Variants in SOBP observed in about 807,000 individuals in gnomAD.
SOBP encodes sine oculis-binding protein homolog.
A neutral mutation model predicts 53.6 loss-of-function variants in SOBP; 4 were observed. That is an observed-to-expected ratio of 0.07 (90% CI 0.04 to 0.17). The LOEUF (loss-of-function observed/expected upper bound fraction) is 0.17. Among genes scored for constraint, SOBP ranks in the 10% least tolerant of loss-of-function variants. SOBP has a pLI of 1.00. For synonymous variants in SOBP, 584 were observed against 522.6 expected (o/e 1.12, Z -1.60); for missense variants, 1,088 against 1,204.7 (o/e 0.90, Z 1.43).
chr6:107,605,947 C>T (rs1002707390), intron 5 of SOBP, among the ~76,000 whole-genome samples: 5 of 152,034 alleles, frequency 3.3e-5, no homozygotes, highest in African/African-American at 1.2e-4. Flanking sequence ...TTTTTAGCCT[C>T]TAAATTTAGG....
At chr6:107,589,532 A>G (rs146785520) in intron 5 of SOBP, among the ~76,000 whole-genome samples, 104 of 152,340 alleles carry the variant, frequency 6.8e-4, no homozygotes, top group Middle Eastern at 6.8e-3. Context: ...CAAAGAAAGC[A>G]TTGGCTGATA....
intron 4 of SOBP, among the ~76,000 whole-genome samples, chr6:107,571,017 C>T (rs1322111036): frequency 6.6e-6 from 1 of 152,248 alleles, no homozygotes; most frequent in East Asian, 1.9e-4. Context: ...CCACTTGCAT[C>T]TACCACACCT....
chr6:107,514,512 G>A (rs1436227065), intron 3 of SOBP: 2 of 152,150 alleles, frequency 1.3e-5, no homozygotes, highest in African/African-American at 4.8e-5. Context: ...ACAATTAAGG[G>A]TTCTTAAAAA....
chr6:107,612,484 A>G (rs1353739734), intron 5 of SOBP, among the ~76,000 whole-genome samples: 1 of 152,214 alleles, frequency 6.6e-6, no homozygotes, highest in Non-Finnish European at 1.5e-5. Context: ...TTCCAGCAGC[A>G]TCAGGTCACC....
intron 3 of SOBP, among the ~76,000 whole-genome samples, chr6:107,530,036 T>C (rs1249180889): frequency 6.6e-6 from 1 of 152,198 alleles, no homozygotes; most frequent in Admixed American, 6.5e-5. Context: ...CATTTTACAT[T>C]TGTTGTATTG....
chr6:107,505,063 C>T (rs764073141), intron 2 of SOBP, among the ~76,000 whole-genome samples: 20 of 152,120 alleles, frequency 1.3e-4, no homozygotes, highest in Admixed American at 5.9e-4. Flanking sequence ...AAGCTCATAT[C>T]GTTGTAAGTT....
intron 6 of SOBP, among the ~76,000 whole-genome samples, chr6:107,639,012 C>T (rs973571536): frequency 6.6e-6 from 1 of 152,122 alleles, no homozygotes; most frequent in Non-Finnish European, 1.5e-5. Flanking sequence ...AAGCAATTCT[C>T]CTGCCTCAGC....
At chr6:107,505,122 T>C (rs1392713109) in intron 2 of SOBP, among the ~76,000 whole-genome samples, 2 of 152,210 alleles carry the variant, frequency 1.3e-5, no homozygotes, top group Non-Finnish European at 2.9e-5. Flanking sequence ...ATCGATACCT[T>C]GTGAAGCATC....
chr6:107,644,659 G>T (rs1210617052), intron 6 of SOBP, among the ~76,000 whole-genome samples: 2 of 152,206 alleles, frequency 1.3e-5, no homozygotes, highest in Non-Finnish European at 2.9e-5. Flanking sequence ...TAAGAATGGG[G>T]AAAAGAAGGC....
chr6:107,523,197 G>A (rs1307400519), intron 3 of SOBP, among the ~76,000 whole-genome samples: 6 of 152,210 alleles, frequency 3.9e-5, no homozygotes. Flanking sequence ...AGAGTGCTCT[G>A]AAGGATTTCT....
At chr6:107,536,789 G>T (rs1288294853) in intron 4 of SOBP, among the ~76,000 whole-genome samples, 1 of 152,164 alleles carries the variant, frequency 6.6e-6, no homozygotes, top group African/African-American at 2.4e-5. Flanking sequence ...TTCACTTAAG[G>T]ACTCTAACTA....
intron 3 of SOBP, among the ~76,000 whole-genome samples, chr6:107,509,135 C>T (rs1258957429): frequency 6.6e-6 from 1 of 152,214 alleles, no homozygotes; most frequent in Non-Finnish European, 1.5e-5. Context: ...TGGCTCATGC[C>T]TGTAATCCCA....
At chr6:107,603,581 GA>G (rs1460727551) in intron 5 of SOBP, among the ~76,000 whole-genome samples, 26 of 152,184 alleles carry the variant, frequency 1.7e-4, no homozygotes, top group Admixed American at 1.6e-3. Flanking sequence ...AAACACAGTG[GA>G]AAACTGTCTC....
chr6:107,540,487 G>C (rs139020430), intron 4 of SOBP, among the ~76,000 whole-genome samples: 1 of 152,234 alleles, frequency 6.6e-6, no homozygotes, highest in African/African-American at 2.4e-5. Flanking sequence ...CTCTTAGGGT[G>C]GCTGTGCACA....
At chr6:107,506,102 A>C in intron 2 of SOBP, 140 bp from the exon 3 acceptor site, 1 of 719,290 alleles carries the variant, frequency 1.4e-6, no homozygotes, top group South Asian at 1.7e-5. Context: ...TGAACTGTGG[A>C]GTTCTAGTAC....
At chr6:107,582,513 C>T (rs1008170669) in intron 4 of SOBP, among the ~76,000 whole-genome samples, 2 of 151,312 alleles carry the variant, frequency 1.3e-5, no homozygotes, top group Non-Finnish European at 2.9e-5. Context: ...CAGGGAAATC[C>T]GCTTGCAGTT....
At chr6:107,507,758 T>C (rs1448189130) in intron 3 of SOBP, among the ~76,000 whole-genome samples, 1 of 152,330 alleles carries the variant, frequency 6.6e-6, no homozygotes, top group East Asian at 1.9e-4. Flanking sequence ...CAGAGTGTTT[T>C]CTAATTCCTG....
intron 3 of SOBP, among the ~76,000 whole-genome samples, chr6:107,532,786 A>T (rs931422999): frequency 6.6e-6 from 1 of 152,116 alleles, no homozygotes; most frequent in Non-Finnish European, 1.5e-5. Context: ...GAGAATTTCA[A>T]TCAGGCCTGC....
At chr6:107,503,845 T>G in intron 2 of SOBP, 50 bp downstream of exon 2, 1 of 1,607,688 alleles carries the variant, frequency 6.2e-7, no homozygotes, top group Non-Finnish European at 8.5e-7. Flanking sequence ...ATTAACTATC[T>G]CAACCTGCCA....
Sources: allele counts gnomAD v4.1 joint callset (sites outside exome capture counted in the v4.1 genomes callset), GRCh38; gene constraint gnomAD v4.1.1; transcripts MANE v1.5; gene names NCBI Gene and HGNC (gene_info 2026-07-23, HGNC 2026-07-21).